The following TOMM34 variants were observed in gnomAD, a reference collection of about 807,000 sequenced individuals.
The protein encoded by TOMM34 is mitochondrial import receptor subunit TOM34.
A neutral mutation model predicts 37.4 loss-of-function variants in TOMM34; 24 were observed. That is an observed-to-expected ratio of 0.64 (90% confidence interval 0.46 to 0.90). TOMM34 has a LOEUF of 0.90. Among genes scored for constraint, TOMM34 ranks in the 40% least tolerant of loss-of-function variants. TOMM34 has a pLI of 0.00. For missense variants in TOMM34, 304 were observed against 375.6 expected (o/e 0.81, Z 1.58); for synonymous variants, 154 against 148.9 (o/e 1.03, Z -0.25).
At chr20:44,958,488 G>C in intron 1 of TOMM34, 1 of 438,406 alleles carries the variant, frequency 2.3e-6, no homozygotes, top group Non-Finnish European at 4.8e-6. Flanking sequence ...CCTGCGATCC[G>C]GACAAGTCAC....
intron 4 of TOMM34, 118 bp downstream of exon 4, chr20:44,951,715 C>T: frequency 7.8e-7 from 1 of 1,286,670 alleles, no homozygotes; most frequent in East Asian, 2.4e-5. Context: ...TTGTTTTATA[C>T]TTTGTTCCTA....
rs759565599 is a variant in TOMM34, at chr20:44,951,894, C to T, written c.489G>A (p.Ser163=). 49 of 1,613,858 alleles carry T rather than the reference C, an allele frequency of 3.0e-5. No homozygotes were observed. The highest frequency in any genetic ancestry group is 3.8e-5 in the Non-Finnish European group (45 of 1,179,972). Residue 163 remains serine, a synonymous_variant, in exon 4 of 7, where the codon TCG becomes TCA. Coordinates refer to ENST00000372813, the MANE Select transcript of TOMM34 (RefSeq NM_006809.5). The part of the protein sequence containing the change: ...SAQKRWNSLP[S]ENHKEMAKSK... ...TTTTAGCCATCTCTTTGTGGTTCTC[C>T]GAAGGCAAGGAATTCCACCTCTTCT...
intron 3 of TOMM34, among the ~76,000 whole-genome samples, 172 bp from the exon 4 acceptor site, chr20:44,952,174 A>C (rs1303423333): frequency 6.6e-6 from 1 of 152,196 alleles, no homozygotes; most frequent in East Asian, 1.9e-4. Context: ...GGAACCCATA[A>C]ACACCATCTC....
At position 44,960,384 on chromosome 20, in the gene TOMM34, G is replaced by A. The variant is rs751825883; in HGVS notation, c.-51C>T. On this transcript the variant is annotated 5_prime_UTR_variant, in exon 1 of 7. Transcript: ENST00000372813. ...AGCTCCTTCCTTCCTCCCCCGTGTG[G>A]TGCGGCACACCTTCCGGGCGCAAGC... 6.8e-7 allele frequency: 1 copy of A among 1,472,586 alleles called. No individual in the cohort carries two copies. 91.2% of individuals were successfully genotyped at this position (1,472,586 alleles called of 1,614,324 possible).
At chr20:44,959,520 A>C (rs575069029) in intron 1 of TOMM34, among the ~76,000 whole-genome samples, 1 of 152,186 alleles carries the variant, frequency 6.6e-6, no homozygotes, top group South Asian at 2.1e-4. Flanking sequence ...CACAATAAAT[A>C]AGGGTCTGCC....
intron 5 of TOMM34, among the ~76,000 whole-genome samples, chr20:44,944,778 T>G (rs2066966371): frequency 6.6e-6 from 1 of 152,230 alleles, no homozygotes; most frequent in Non-Finnish European, 1.5e-5. Context: ...AGAGCCTATT[T>G]TCCTACAACT....
At chr20:44,958,144 A>ATGTATATGTATACATATGTG in intron 1 of TOMM34, among the ~76,000 whole-genome samples, 1 of 146,918 alleles carries the variant, frequency 6.8e-6, no homozygotes, top group East Asian at 2.0e-4. Flanking sequence ...ATGTATATAT[A>ATGTATATGTATACATATGTG]TGTGTGTGTG....
chr20:44,950,752 G>A (rs140353116), intron 4 of TOMM34, among the ~76,000 whole-genome samples: 615 of 152,318 alleles, frequency 4.0e-3, no homozygotes, highest in Non-Finnish European at 6.4e-3. Context: ...GCATTCTCCT[G>A]TAGAAGGTGA....
chr20:44,958,314 G>A (rs1276436154), intron 1 of TOMM34: 5 of 469,844 alleles, frequency 1.1e-5, no homozygotes, highest in African/African-American at 2.0e-5. Context: ...AATAACAAGC[G>A]TTTTCCCCTC....
chr20:44,945,144 T>C (rs931840886), intron 5 of TOMM34, among the ~76,000 whole-genome samples: 1 of 152,218 alleles, frequency 6.6e-6, no homozygotes, highest in Non-Finnish European at 1.5e-5. Context: ...TATTAAATAA[T>C]CTCTCTTTGC....
At chr20:44,946,503 G>A (rs1201334154) in intron 5 of TOMM34, among the ~76,000 whole-genome samples, 6 of 152,204 alleles carry the variant, frequency 3.9e-5, no homozygotes, top group African/African-American at 1.4e-4. Flanking sequence ...TGTACTAGTT[G>A]TTTAACTTTG....
At chr20:44,955,576 G>T (rs1257419521) in intron 2 of TOMM34, 2 of 465,280 alleles carry the variant, frequency 4.3e-6, no homozygotes, top group South Asian at 3.1e-5. Context: ...GAGTCAGATG[G>T]GGTGGTGTCT....
intron 3 of TOMM34, chr20:44,952,650 C>T: frequency 1.4e-6 from 1 of 717,506 alleles, no homozygotes; most frequent in Non-Finnish European, 2.6e-6. Flanking sequence ...TAGATTTCAG[C>T]TTAAAATGCC....
At chr20:44,952,723 A>T (rs1467964457) in intron 3 of TOMM34, 4 of 716,012 alleles carry the variant, frequency 5.6e-6, no homozygotes, top group Non-Finnish European at 1.0e-5. Flanking sequence ...CCTAGCAACC[A>T]CCAAGGCCCA....
chr20:44,954,158 C>A (rs542689201), intron 3 of TOMM34, among the ~76,000 whole-genome samples: 9 of 152,222 alleles, frequency 5.9e-5, no homozygotes, highest in Non-Finnish European at 1.2e-4. Flanking sequence ...TGGCCTCCCC[C>A]TCTCCCTCTC....
At chr20:44,952,556 G>C in intron 3 of TOMM34, 1 of 716,514 alleles carries the variant, frequency 1.4e-6, no homozygotes, top group Non-Finnish European at 2.6e-6. Flanking sequence ...CTTTGCACAT[G>C]CTTTTTCCTC....
chr20:44,950,133 T>C (rs1285626155), intron 4 of TOMM34, among the ~76,000 whole-genome samples: 2 of 152,202 alleles, frequency 1.3e-5, no homozygotes, highest in African/African-American at 4.8e-5. Flanking sequence ...CAGGTTTCTC[T>C]TGAAGTAGGG....
chr20:44,946,941 T>C (rs571263066), intron 5 of TOMM34, among the ~76,000 whole-genome samples: 4 of 152,148 alleles, frequency 2.6e-5, no homozygotes, highest in Non-Finnish European at 5.9e-5. Flanking sequence ...AATGCTCTGA[T>C]TAAGAAGAAT....
chr20:44,945,960 C>T lies in TOMM34; in HGVS notation c.699-2381G>A, dbSNP rs140499431. Among the ~76,000 whole-genome samples the T allele has an allele frequency of 2.8e-3, 433 of 152,158 alleles. 2 individuals carry two copies. The highest frequency in any genetic ancestry group is 9.9e-3 in the African/African-American group (412 of 41,514). Reference sequence around the variant, plus strand: ...GCAACCTCCGCCTCCTGGGTTCAAGCGATTCTCCTACTTCAGCCTCCCGAG... The same window carrying T: ...GCAACCTCCGCCTCCTGGGTTCAAGTGATTCTCCTACTTCAGCCTCCCGAG... On this transcript the variant is annotated intron_variant, in intron 5 of 6. Transcript: ENST00000372813.
Sources: gnomAD v4.1 joint callset for allele counts (sites outside exome capture counted in the v4.1 genomes callset) on GRCh38, gnomAD v4.1.1 for gene constraint, MANE v1.5 for transcripts, NCBI Gene and HGNC (gene_info 2026-07-23, HGNC 2026-07-21) for gene names.